Variants in SAYSD1 observed in about 807,000 individuals in gnomAD.
SAYSD1 encodes SAYSvFN domain-containing protein 1.
A neutral mutation model predicts 14.5 loss-of-function variants in SAYSD1; 15 were observed. The observed-to-expected ratio is 1.03, with a 90% confidence interval of 0.69 to 1.59. The LOEUF is 1.59. Among genes scored for constraint, SAYSD1 ranks in the 40% most tolerant of loss-of-function variants. The probability of loss-of-function intolerance (pLI) is 0.00; values close to 1 mark genes in which losing one functional copy is unlikely to be tolerated. For synonymous variants in SAYSD1, 105 were observed against 102.6 expected (o/e 1.02, Z -0.14); for missense variants, 247 against 227.3 (o/e 1.09, Z -0.56).
At position 39,105,730 on chromosome 6, in the gene SAYSD1, G is replaced by A. The variant is rs1360589932; in HGVS notation, c.254C>T (p.Thr85Ile). ...QGSTSETPWN[T>I]AIPLPSCWDQ... is the part of the protein sequence containing the mutation. ...CCAGCACGACGGCAGAGGAATGGCT[G>A]TGTTCCATGGTGTCTCTGATGTGCT... is the stretch of plus-strand genomic sequence containing the variant. Residue 85 changes from threonine (T) to isoleucine (I), a missense_variant, in exon 2 of 2, where the codon ACA becomes ATA. Transcript: ENST00000229903. The A allele has an allele frequency of 4.3e-6, 7 of 1,614,188 alleles. No homozygotes were observed. The highest frequency in any genetic ancestry group is 2.2e-5 in the East Asian group (1 of 44,882).
chr6:39,109,526 A>G, intron 1 of SAYSD1: 2 of 1,454,144 alleles, frequency 1.4e-6, no homozygotes, highest in Non-Finnish European at 1.8e-6. Flanking sequence ...TGGAGGCCGC[A>G]GTGGCTTTGT....
At chr6:39,112,755 G>C (rs941474844) in intron 1 of SAYSD1, 9 of 152,174 alleles carry the variant, frequency 5.9e-5, no homozygotes, top group African/African-American at 2.2e-4. Context: ...ATAAGAAAGG[G>C]GATAATGAAC....
intron 1 of SAYSD1, chr6:39,109,342 C>A: frequency 6.4e-7 from 1 of 1,551,058 alleles, no homozygotes; most frequent in South Asian, 1.2e-5. Flanking sequence ...GTGGAAGAAG[C>A]TCGTCACAGA....
In SAYSD1 at chr6:39,115,148, A is replaced by G. The variant is rs897843906; in HGVS notation, c.-59T>C. On this transcript the variant is annotated 5_prime_UTR_variant, in exon 1 of 2. Transcript: ENST00000229903. ...AGCGCGCGCCCGCAGGCCGCACAGCAGTTGCCTCCGCTCGGCCCGCGCCGG... is the reference window on the plus strand; with the variant it reads ...AGCGCGCGCCCGCAGGCCGCACAGCGGTTGCCTCCGCTCGGCCCGCGCCGG... The G allele has an allele frequency of 5.0e-5, 74 of 1,484,668 alleles. 1 individual carries two copies. Among genetic ancestry groups the G allele is most frequent in the Non-Finnish European group, 6.3e-5 (70 of 1,117,036 alleles). The allele number at this position is 1,484,668 out of a possible 1,614,324, so 92.0% of individuals were successfully genotyped here. A position where few individuals can be genotyped will look rare whatever the true frequency, so the allele number is the denominator to read the frequency against.
intron 1 of SAYSD1, among the ~76,000 whole-genome samples, 196 bp downstream of exon 1, chr6:39,114,687 G>A (rs139296441): frequency 9.3e-4 from 142 of 152,366 alleles, no homozygotes; most frequent in Non-Finnish European, 1.5e-3. Flanking sequence ...CGTGGGTCGC[G>A]GGCTGGAAAG....
intron 1 of SAYSD1, among the ~76,000 whole-genome samples, chr6:39,107,748 G>A (rs1769532292): frequency 6.6e-6 from 1 of 152,152 alleles, no homozygotes; most frequent in South Asian, 2.1e-4. Context: ...ACTCATTAAA[G>A]AAAGAAATGT....
At chr6:39,107,449 C>A (rs573985123) in intron 1 of SAYSD1, among the ~76,000 whole-genome samples, 18 of 152,270 alleles carry the variant, frequency 1.2e-4, no homozygotes, top group Non-Finnish European at 2.5e-4. Flanking sequence ...TGTTTAAGTA[C>A]CAGGAAGCCA....
At chr6:39,111,027 A>C (rs1769615283) in intron 1 of SAYSD1, 1 of 152,256 alleles carries the variant, frequency 6.6e-6, no homozygotes, top group Non-Finnish European at 1.5e-5. Context: ...AAGCATCTGC[A>C]TTCAGTATTT....
chr6:39,111,745 GAA>G (rs1237048510), intron 1 of SAYSD1: 1 of 152,112 alleles, frequency 6.6e-6, no homozygotes, highest in Non-Finnish European at 1.5e-5. Context: ...TCTTTCATGT[GAA>G]AAGTCACTGG....
intron 1 of SAYSD1, among the ~76,000 whole-genome samples, chr6:39,108,418 G>A (rs746264775): frequency 1.4e-5 from 2 of 141,746 alleles, no homozygotes; most frequent in African/African-American, 5.5e-5. Flanking sequence ...AGAGGTAGAT[G>A]GGTGTGGGGG....
At chr6:39,105,876 G>C in intron 1 of SAYSD1, 100 bp from the exon 2 acceptor site, 1 of 1,036,496 alleles carries the variant, frequency 9.6e-7, no homozygotes. Flanking sequence ...TGAGAAGGCT[G>C]CTGGCTCATT....
At chr6:39,109,776 T>C (rs1340127611) in intron 1 of SAYSD1, 6 of 206,230 alleles carry the variant, frequency 2.9e-5, no homozygotes, top group Non-Finnish European at 5.1e-5. Flanking sequence ...TCCCAAAGCT[T>C]TATGGCTGAA....
Position 39,105,161 on chromosome 6 carries a change from AG to A in SAYSD1, c.*270del. 4.6e-6 allele frequency: 2 copies of A among 430,834 alleles called. No individual in the cohort carries two copies. Among genetic ancestry groups the A allele is most frequent in the Non-Finnish European group, 4.2e-6 (1 of 237,706 alleles). 26.7% of individuals were successfully genotyped at this position (430,834 alleles called of 1,614,324 possible). A position where few individuals can be genotyped will look rare whatever the true frequency, so the allele number is the denominator to read the frequency against. On this transcript the variant is annotated 3_prime_UTR_variant, in exon 2 of 2. Transcript: ENST00000229903. ...AGTGCTCTAAAATCATCTCCCAAAC[AG>A]ATGAGAAATGAAACAAACAGGTCTC...
chr6:39,107,347 C>T (rs1769525224), intron 1 of SAYSD1, among the ~76,000 whole-genome samples: 1 of 152,158 alleles, frequency 6.6e-6, no homozygotes, highest in Non-Finnish European at 1.5e-5. Flanking sequence ...CTGCCTCCCC[C>T]AGAACTAGCT....
At chr6:39,106,462 G>C (rs945435901) in intron 1 of SAYSD1, among the ~76,000 whole-genome samples, 11 of 152,174 alleles carry the variant, frequency 7.2e-5, no homozygotes, top group African/African-American at 2.7e-4. Flanking sequence ...GGGAGGCGGA[G>C]GCTGCAGTGA....
intron 1 of SAYSD1, among the ~76,000 whole-genome samples, chr6:39,108,654 CCTCT>C (rs1220556052): frequency 2.0e-5 from 3 of 152,120 alleles, no homozygotes; most frequent in Admixed American, 6.5e-5. Context: ...CTTGTGGTTC[CCTCT>C]GAGAGGAATG....
chr6:39,109,327 C>T (rs761783562), intron 1 of SAYSD1: 8 of 1,550,894 alleles, frequency 5.2e-6, no homozygotes, highest in Non-Finnish European at 7.0e-6. Flanking sequence ...CATTTTTGTC[C>T]TAATGTGGAA....
intron 1 of SAYSD1, among the ~76,000 whole-genome samples, chr6:39,107,045 A>G (rs886357645): frequency 2.0e-5 from 3 of 152,218 alleles, no homozygotes; most frequent in Non-Finnish European, 4.4e-5. Flanking sequence ...CTACTTTAAA[A>G]ACATTTTTAA....
intron 1 of SAYSD1, chr6:39,112,276 T>C (rs553148678): frequency 4.6e-5 from 7 of 153,478 alleles, no homozygotes; most frequent in African/African-American, 1.2e-4. Context: ...TATCCCAGTA[T>C]GGTCAACAGC....
Sources: allele counts gnomAD v4.1 joint callset (sites outside exome capture counted in the v4.1 genomes callset), GRCh38; gene constraint gnomAD v4.1.1; transcripts MANE v1.5; gene names NCBI Gene and HGNC (gene_info 2026-07-23, HGNC 2026-07-21).